Variants in CCBE1 observed in about 807,000 individuals in gnomAD.
CCBE1 encodes collagen and calcium binding EGF domains 1.
A neutral mutation model predicts 50.0 loss-of-function variants in CCBE1; 37 were observed. The ratio of observed to expected loss-of-function variants is 0.74; its 90% CI spans 0.57 to 0.97. The LOEUF is 0.97. CCBE1 is among the 50% of genes least tolerant of loss of function. CCBE1 has a pLI of 0.00. For synonymous variants in CCBE1, 234 were observed against 203.7 expected, an observed-to-expected ratio of 1.15 and a Z score of -1.27; for missense variants, 538 against 523.8, an observed-to-expected ratio of 1.03 and a Z score of -0.26.
At chr18:59,442,119 C>T (rs1910458019) in intron 7 of CCBE1, among the ~76,000 whole-genome samples, 3 of 152,186 alleles carry the variant, frequency 2.0e-5, no homozygotes, top group Admixed American at 2.0e-4. Flanking sequence ...CACCACAGAT[C>T]ACCTATCTCC....
At chr18:59,656,572 A>G (rs1185127108) in intron 2 of CCBE1, among the ~76,000 whole-genome samples, 1 of 152,244 alleles carries the variant, frequency 6.6e-6, no homozygotes, top group Non-Finnish European at 1.5e-5. Context: ...TGAGAACATG[A>G]ATTCCAGGTC....
At chr18:59,613,084 T>G (rs1286452444) in intron 2 of CCBE1, among the ~76,000 whole-genome samples, 1 of 149,658 alleles carries the variant, frequency 6.7e-6, no homozygotes, top group African/African-American at 2.5e-5. Context: ...AGGTGGGGAG[T>G]GGGGTGGAAA....
At chr18:59,674,431 G>A (rs2054472390) in intron 2 of CCBE1, among the ~76,000 whole-genome samples, 1 of 152,074 alleles carries the variant, frequency 6.6e-6, no homozygotes, top group Non-Finnish European at 1.5e-5. Flanking sequence ...AGAACACATG[G>A]ATACAGGGAG....
intron 2 of CCBE1, among the ~76,000 whole-genome samples, chr18:59,642,770 A>C (rs2054006624): frequency 6.6e-6 from 1 of 152,026 alleles, no homozygotes. Flanking sequence ...CAACGTGGTG[A>C]AACCCCATCT....
intron 6 of CCBE1, among the ~76,000 whole-genome samples, chr18:59,450,251 T>A (rs1910868896): frequency 6.6e-6 from 1 of 152,254 alleles, no homozygotes; most frequent in African/African-American, 2.4e-5. Flanking sequence ...TAAAGAGTGC[T>A]AATAAATAAT....
chr18:59,448,963 G>T (rs1261085968), intron 6 of CCBE1, among the ~76,000 whole-genome samples: 1 of 152,142 alleles, frequency 6.6e-6, no homozygotes, highest in East Asian at 1.9e-4. Flanking sequence ...GTGGCCCTGG[G>T]GAGGAAAGGA....
chr18:59,532,633 C>T (rs942837826), intron 2 of CCBE1, among the ~76,000 whole-genome samples: 1 of 152,172 alleles, frequency 6.6e-6, no homozygotes, highest in Non-Finnish European at 1.5e-5. Context: ...TATGATGTTA[C>T]CCACTCCACA....
chr18:59,693,487 G>A (rs2054764650), intron 2 of CCBE1, among the ~76,000 whole-genome samples: 1 of 151,840 alleles, frequency 6.6e-6, no homozygotes, highest in African/African-American at 2.4e-5. Flanking sequence ...AAAAAAGGGG[G>A]AAAAAAAGAA....
intron 2 of CCBE1, among the ~76,000 whole-genome samples, chr18:59,558,948 T>G (rs2052692262): frequency 6.6e-6 from 1 of 152,202 alleles, no homozygotes; most frequent in African/African-American, 2.4e-5. Context: ...GCCCCCTAAG[T>G]GCTCTTTCTG....
chr18:59,436,225 G>T, intron 10 of CCBE1, 84 bp from the exon 11 acceptor site: 2 of 1,193,830 alleles, frequency 1.7e-6, no homozygotes, highest in Non-Finnish European at 2.5e-6. Flanking sequence ...GCTGCTTGCT[G>T]GCAACTACTT....
intron 2 of CCBE1, among the ~76,000 whole-genome samples, chr18:59,673,263 C>T (rs2054458350): frequency 6.6e-6 from 1 of 152,076 alleles, no homozygotes; most frequent in African/African-American, 2.4e-5. Flanking sequence ...CCAGCCTGGC[C>T]AACACGGCAT....
At chr18:59,594,273 G>A (rs1316092322) in intron 2 of CCBE1, among the ~76,000 whole-genome samples, 1 of 152,222 alleles carries the variant, frequency 6.6e-6, no homozygotes, top group Non-Finnish European at 1.5e-5. Flanking sequence ...GAAAATTTGA[G>A]TGCTAAATGT....
intron 2 of CCBE1, among the ~76,000 whole-genome samples, chr18:59,571,487 G>A (rs1205525597): frequency 7.0e-6 from 1 of 143,834 alleles, no homozygotes; most frequent in Non-Finnish European, 1.5e-5. Context: ...TGGAATGGGG[G>A]GAGGGGGGAG....
At chr18:59,523,132 G>A (rs1334065348) in intron 2 of CCBE1, among the ~76,000 whole-genome samples, 1 of 151,714 alleles carries the variant, frequency 6.6e-6, no homozygotes, top group African/African-American at 2.4e-5. Flanking sequence ...TTCCACCAAT[G>A]ACTACTCCTA....
chr18:59,659,970 G>A (rs765096635), intron 2 of CCBE1, among the ~76,000 whole-genome samples: 2 of 152,144 alleles, frequency 1.3e-5, no homozygotes, highest in Admixed American at 6.5e-5. Flanking sequence ...CCTTTTCTCT[G>A]TCTAGCTGCG....
intron 2 of CCBE1, among the ~76,000 whole-genome samples, chr18:59,527,197 A>C (rs1000734540): frequency 6.6e-6 from 1 of 152,220 alleles, no homozygotes; most frequent in South Asian, 2.1e-4. Flanking sequence ...TACTGGGTGC[A>C]TATATATTTA....
At chr18:59,604,870 T>C (rs541363870) in intron 2 of CCBE1, among the ~76,000 whole-genome samples, 11 of 152,374 alleles carry the variant, frequency 7.2e-5, no homozygotes, top group African/African-American at 2.4e-4. Flanking sequence ...TGGTCAGCTA[T>C]TGCTAAGATG....
chr18:59,529,812 C>G (rs1914978878), intron 2 of CCBE1, among the ~76,000 whole-genome samples: 1 of 152,106 alleles, frequency 6.6e-6, no homozygotes, highest in Admixed American at 6.5e-5. Flanking sequence ...CCCCTCCTAG[C>G]CCCTGGTGGC....
chr18:59,546,444 G>A (rs971668733), intron 2 of CCBE1, among the ~76,000 whole-genome samples: 6 of 152,202 alleles, frequency 3.9e-5, no homozygotes, highest in Admixed American at 3.9e-4. Context: ...CTTGATAAGG[G>A]TTTGTACAGT....
Sources: gnomAD v4.1 joint callset for allele counts (sites outside exome capture counted in the v4.1 genomes callset) on GRCh38, gnomAD v4.1.1 for gene constraint, MANE v1.5 for transcripts, NCBI Gene and HGNC (gene_info 2026-07-23, HGNC 2026-07-21) for gene names.